Variants in PTPRQ observed in about 807,000 individuals in gnomAD.
PTPRQ encodes phosphatidylinositol phosphatase PTPRQ.
Under a neutral mutation model 246.0 loss-of-function variants are expected in PTPRQ, and 199 were observed. The ratio of observed to expected loss-of-function variants is 0.81; its 90% CI spans 0.72 to 0.91. The LOEUF (loss-of-function observed/expected upper bound fraction) is 0.91. PTPRQ is among the 40% of genes least tolerant of loss of function. PTPRQ has a pLI of 0.00. For missense variants in PTPRQ, 2,624 were observed against 2,528.4 expected, an observed-to-expected ratio of 1.04 and a Z score of -0.81; for synonymous variants, 869 against 853.2, an observed-to-expected ratio of 1.02 and a Z score of -0.32.
chr12:80,569,113 C>T (rs75834834), intron 25 of PTPRQ, among the ~76,000 whole-genome samples: 3,697 of 143,214 alleles, frequency 0.026, 169 homozygotes, highest in African/African-American at 0.088. Flanking sequence ...GTTCTTTATA[C>T]ATTTTGGATA....
intron 26 of PTPRQ, among the ~76,000 whole-genome samples, chr12:80,596,919 C>T (rs751752200): frequency 2.0e-5 from 3 of 151,996 alleles, no homozygotes; most frequent in Non-Finnish European, 2.9e-5. Flanking sequence ...TGTGTGTTTG[C>T]TATGTGCTGG....
At chr12:80,472,029 T>C in intron 7 of PTPRQ, 76 bp from the exon 8 acceptor site, 1 of 1,513,586 alleles carries the variant, frequency 6.6e-7, no homozygotes, top group Non-Finnish European at 8.9e-7. Context: ...TTGTTGTCTT[T>C]GGCTCTGTAC....
At chr12:80,657,260 C>T (rs942892047) in intron 38 of PTPRQ, among the ~76,000 whole-genome samples, 1 of 151,698 alleles carries the variant, frequency 6.6e-6, no homozygotes, top group Non-Finnish European at 1.5e-5. Context: ...CTCAGTTTCA[C>T]TTGTATTTAA....
chr12:80,634,807 A>C lies in PTPRQ; in HGVS notation c.5787-138A>C, dbSNP rs936977518. 3.9e-6 allele frequency: 5 copies of C among 1,281,860 alleles called. No individual in the cohort carries two copies. In the African/African-American group the frequency reaches 4.6e-5, roughly 12 times the overall value. 79.4% of individuals were successfully genotyped at this position (1,281,860 alleles called of 1,614,324 possible). On this transcript the variant is annotated intron_variant, in intron 34 of 44. Transcript: ENST00000644991. ...AAGAAAAAGAAGTCGAGTAGCTATA[A>C]ATTTGCAACATATTCAGAGAGGTGA... is the stretch of plus-strand genomic sequence containing the variant.
chr12:80,575,854 A>AG (rs972698095), intron 25 of PTPRQ, among the ~76,000 whole-genome samples: 3 of 150,866 alleles, frequency 2.0e-5, no homozygotes, highest in Non-Finnish European at 4.4e-5. Flanking sequence ...AAAAAAAAAA[A>AG]AAAGAAAAAA....
intron 26 of PTPRQ, among the ~76,000 whole-genome samples, chr12:80,603,763 A>G (rs896101767): frequency 2.6e-5 from 4 of 151,446 alleles, no homozygotes; most frequent in Non-Finnish European, 5.9e-5. Context: ...CTTCTCATCT[A>G]TCAAAGACTA....
At chr12:80,636,052 G>A (rs920073768) in intron 35 of PTPRQ, among the ~76,000 whole-genome samples, 1 of 152,192 alleles carries the variant, frequency 6.6e-6, no homozygotes, top group East Asian at 1.9e-4. Flanking sequence ...ATGTGCTATA[G>A]AGGGAAGTGT....
chr12:80,516,088 G>A (rs1335693056), intron 17 of PTPRQ, among the ~76,000 whole-genome samples: 2 of 152,004 alleles, frequency 1.3e-5, no homozygotes, highest in African/African-American at 4.8e-5. Context: ...TGAATTCCTA[G>A]GGCAACCACC....
intron 17 of PTPRQ, among the ~76,000 whole-genome samples, chr12:80,517,176 TA>T (rs150686159): frequency 6.6e-6 from 1 of 152,070 alleles, no homozygotes; most frequent in Non-Finnish European, 1.5e-5. Flanking sequence ...TTGTCAGTGT[TA>T]AAAAAATGAG....
rs1173694990 is a variant in PTPRQ, at chr12:80,541,807, C to T, written c.3407C>T (p.Thr1136Ile). The T allele has an allele frequency of 1.3e-6, 2 of 1,549,742 alleles. No individual in the cohort carries two copies. The highest frequency in any genetic ancestry group is 1.7e-6 in the Non-Finnish European group (2 of 1,146,098). The stretch of plus-strand genomic sequence containing the variant: ...TCAACAGAAAAGGGATTCTCTGATA[C>T]CTATACTGCCCAGCTATACATCAAG... ...TPSTEKGFSD[T>I]YTAQLYIKTE... The change falls in exon 21 of 45, where the codon ACC becomes ATC. Residue 1136 changes from threonine to isoleucine, a missense_variant. Thr to Ile is a moderately conservative substitution (Grantham distance 89). Coordinates refer to ENST00000644991, the MANE Select transcript of PTPRQ (RefSeq NM_001145026.2).
Position 80,619,456 on chromosome 12 carries a change from C to T in PTPRQ, c.5303C>T (p.Thr1768Ile), listed in dbSNP as rs920712550. The change falls in exon 31 of 45, where the codon ACA becomes ATA. Residue 1768 changes from threonine to isoleucine, a missense_variant. Physicochemically the swap from Thr to Ile is moderately conservative, Grantham distance 89 (BLOSUM62 -1). Coordinates refer to ENST00000644991, the MANE Select transcript of PTPRQ (RefSeq NM_001145026.2). ...ATGKLLVTST[T>I]ITIRMPICYY... is the part of the protein sequence containing the mutation. ...GGAAAACTGCTTGTGACTTCAACAA[C>T]AATTACAATCAGAATGCCAATATGT... 1 of 1,548,326 alleles carries T rather than the reference C, an allele frequency of 6.5e-7. No individual in the cohort carries two copies. The highest frequency in any genetic ancestry group is 8.7e-7 in the Non-Finnish European group (1 of 1,144,850).
At chr12:80,590,566 G>T (rs934623396) in intron 26 of PTPRQ, among the ~76,000 whole-genome samples, 1 of 151,252 alleles carries the variant, frequency 6.6e-6, no homozygotes, top group Non-Finnish European at 1.5e-5. Context: ...TACTCGGGAG[G>T]CTGAGGCAGG....
At chr12:80,668,044 T>C (rs186092643) in intron 39 of PTPRQ, among the ~76,000 whole-genome samples, 1 of 151,996 alleles carries the variant, frequency 6.6e-6, no homozygotes, top group Non-Finnish European at 1.5e-5. Flanking sequence ...TTTAAATATA[T>C]GTTATTTTTT....
intron 19 of PTPRQ, among the ~76,000 whole-genome samples, chr12:80,538,073 C>A (rs1226422804): frequency 1.3e-5 from 2 of 151,976 alleles, no homozygotes; most frequent in Non-Finnish European, 2.9e-5. Flanking sequence ...CGTGCCACTG[C>A]CCTCTAGCCT....
At chr12:80,676,441 G>C (rs1479210002) in intron 43 of PTPRQ, among the ~76,000 whole-genome samples, 1 of 152,102 alleles carries the variant, frequency 6.6e-6, no homozygotes, top group African/African-American at 2.4e-5. Flanking sequence ...TCAGGAGTTC[G>C]AGACCAGCCT....
At chr12:80,478,965 C>T (rs1893927521) in intron 8 of PTPRQ, among the ~76,000 whole-genome samples, 2 of 151,896 alleles carry the variant, frequency 1.3e-5, no homozygotes, top group East Asian at 3.9e-4. Context: ...GGATATTATC[C>T]AGGAGAACTT....
intron 17 of PTPRQ, 72 bp from the exon 18 acceptor site, chr12:80,533,943 A>G: frequency 8.6e-7 from 1 of 1,156,450 alleles, no homozygotes; most frequent in South Asian, 2.1e-5. Flanking sequence ...TTTACTTTTA[A>G]TGTTAGTGTG....
At chr12:80,462,169 C>T (rs1278530978) in intron 6 of PTPRQ, 6 of 190,812 alleles carry the variant, frequency 3.1e-5, no homozygotes, top group South Asian at 2.7e-4. Flanking sequence ...CCGAATACTG[C>T]GCTTTTCCGA....
At chr12:80,485,160 G>T (rs1258332934) in intron 9 of PTPRQ, among the ~76,000 whole-genome samples, 2 of 151,866 alleles carry the variant, frequency 1.3e-5, no homozygotes, top group Non-Finnish European at 2.9e-5. Context: ...GGATCTTTAG[G>T]CAATGTGTTT....
Sources: allele counts gnomAD v4.1 joint callset (sites outside exome capture counted in the v4.1 genomes callset), GRCh38; gene constraint gnomAD v4.1.1; transcripts MANE v1.5; gene names NCBI Gene and HGNC (gene_info 2026-07-23, HGNC 2026-07-21).